The following ALDH4A1 variants were observed in gnomAD, a reference collection of about 807,000 sequenced individuals.
ALDH4A1 encodes delta-1-pyrroline-5-carboxylate dehydrogenase, mitochondrial.
In ALDH4A1, 46 loss-of-function variants were observed where a neutral mutation model predicts 70.5. That is an observed-to-expected ratio of 0.65 (90% CI 0.51 to 0.83). The LOEUF (loss-of-function observed/expected upper bound fraction) is 0.83, where lower values mean the gene tolerates loss of function less well. Among genes scored for constraint, ALDH4A1 ranks in the 40% least tolerant of loss-of-function variants. The probability of loss-of-function intolerance (pLI) is 0.00; values close to 1 mark genes in which losing one functional copy is unlikely to be tolerated. For missense variants in ALDH4A1, 749 were observed against 766.5 expected (o/e 0.98, Z 0.27); for synonymous variants, 323 against 324.3 (o/e 1.00, Z 0.04).
Position 18,894,294 on chromosome 1 carries a change from A to G in ALDH4A1, c.63-4189T>C, listed in dbSNP as rs1013490345. Among the ~76,000 whole-genome samples, 6 of 152,328 alleles carry G rather than the reference A, an allele frequency of 3.9e-5. No homozygotes were observed. The South Asian group carries it at 6.2e-4, about 16-fold the overall frequency. The stretch of plus-strand genomic sequence containing the variant: ...AGTGGCTCACGCCTGTAATCCCAGC[A>G]CTTTGGGAGGCTGAGGTGGGCGGAT... On this transcript the variant is annotated intron_variant, in intron 1 of 14. Coordinates refer to ENST00000375341, the MANE Select transcript of ALDH4A1 (RefSeq NM_003748.4).
intron 9 of ALDH4A1, among the ~76,000 whole-genome samples, chr1:18,879,046 T>C (rs187812002): frequency 1.3e-5 from 2 of 152,352 alleles, no homozygotes; most frequent in Non-Finnish European, 2.9e-5. Context: ...GAAAACTAGA[T>C]AATGCAGTTC....
chr1:18,887,285 G>A (rs566676119), intron 3 of ALDH4A1, among the ~76,000 whole-genome samples: 6 of 152,384 alleles, frequency 3.9e-5, no homozygotes, highest in East Asian at 1.9e-4. Context: ...ACCGCAAGGC[G>A]GACGAAGGCC....
Position 18,877,236 on chromosome 1 carries a change from G to A in ALDH4A1, c.1157C>T (p.Thr386Ile), listed in dbSNP as rs766004973. Residue 386 changes from threonine (T) to isoleucine (I), a missense_variant, in exon 11 of 15, where the codon ACC (threonine) becomes ATC (isoleucine). Thr to Ile is a moderately conservative substitution (Grantham distance 89). Coordinates refer to ENST00000375341, the MANE Select transcript of ALDH4A1 (RefSeq NM_003748.4). ...KVGDPAEDFG[T>I]FFSAVIDAKS... is the part of the protein sequence containing the mutation. ...GGCATCAATCACTGCAGAGAAGAAG[G>A]TCCCAAAATCCTCTGCAGGCTGGAG... 3.7e-6 allele frequency: 6 copies of A among 1,608,204 alleles called. No individual in the cohort carries two copies. In the East Asian group the frequency reaches 1.1e-4, roughly 30 times the overall value.
At chr1:18,895,386 G>A (rs1935583143) in intron 1 of ALDH4A1, among the ~76,000 whole-genome samples, 2 of 151,966 alleles carry the variant, frequency 1.3e-5, no homozygotes, top group African/African-American at 4.8e-5. Context: ...CTCCTGCACT[G>A]GAAGTTGTCA....
At chr1:18,877,695 C>T in intron 9 of ALDH4A1, 83 bp from the exon 10 acceptor site, 1 of 1,506,270 alleles carries the variant, frequency 6.6e-7, no homozygotes, top group Non-Finnish European at 9.0e-7. Flanking sequence ...CCTACGCCAT[C>T]CATGGCCCGG....
chr1:18,879,399 G>A (rs1237357080), intron 8 of ALDH4A1, 26 bp from the exon 9 acceptor site: 23 of 1,600,394 alleles, frequency 1.4e-5, no homozygotes, highest in South Asian at 4.5e-5. Context: ...AAAGGGTGGG[G>A]TTCAGGGAGC....
In ALDH4A1 at chr1:18,878,199, A is replaced by C. The variant is rs535663968; in HGVS notation, c.941-587T>G. 2.0e-5 allele frequency among the ~76,000 whole-genome samples: 3 copies of C among 152,268 alleles called. No homozygotes were observed. The South Asian group carries it at 6.2e-4, about 32-fold the overall frequency. ...GCTGAAAGCACTTAACAGCTGCCCA[A>C]CTCTGGACGAAGTACGCTGTGCTTT... On this transcript the variant is annotated intron_variant, in intron 9 of 14. Transcript: ENST00000375341.
In ALDH4A1 at chr1:18,885,038, G is replaced by A. The variant is rs139403896; in HGVS notation, c.453+435C>T. ...AGGTGGGCAGAAGGGCCCTGGGTAT[G>A]GGGCTCAGGTCTTGGGACTTGCCTC... On this transcript the variant is annotated intron_variant, in intron 5 of 14. Transcript: ENST00000375341. Among the ~76,000 whole-genome samples the A allele has an allele frequency of 6.0e-3, 914 of 152,174 alleles. 6 individuals carry two copies. Among genetic ancestry groups the A allele is most frequent in the Non-Finnish European group, 9.3e-3 (632 of 67,978 alleles).
At chr1:18,899,910 A>G (rs1321734400) in intron 1 of ALDH4A1, among the ~76,000 whole-genome samples, 1 of 152,234 alleles carries the variant, frequency 6.6e-6, no homozygotes, top group African/African-American at 2.4e-5. Context: ...ACACAGTTCC[A>G]GGGCCTGGGA....
At chr1:18,900,369 C>A (rs1298989603) in intron 1 of ALDH4A1, among the ~76,000 whole-genome samples, 2 of 152,196 alleles carry the variant, frequency 1.3e-5, no homozygotes, top group Non-Finnish European at 2.9e-5. Flanking sequence ...CACGGGTGTG[C>A]TCTAAATGTT....
chr1:18,897,163 T>C (rs113388673), intron 1 of ALDH4A1: 28 of 479,794 alleles, frequency 5.8e-5, no homozygotes, highest in African/African-American at 1.2e-4. Context: ...GAAATGCTCA[T>C]TGGAGCATTT....
chr1:18,875,477 CACAG>C lies in ALDH4A1; in HGVS notation c.1361_1364del (p.Ser454CysfsTer43). The C allele has an allele frequency of 6.2e-7, 1 of 1,614,138 alleles. No homozygotes were observed. The highest frequency in any genetic ancestry group is 1.1e-5 in the South Asian group (1 of 91,080). On this transcript the variant is annotated frameshift_variant, in exon 13 of 15. Transcript: ENST00000375341. LOFTEE classifies it high-confidence loss of function. ...TGTACTTGTCATCCGGGTAGACGTA[CACAG>C]ACAGTACAGGCCCGAAGATCTCCTA...
intron 1 of ALDH4A1, among the ~76,000 whole-genome samples, chr1:18,901,316 G>A (rs993356210): frequency 1.3e-5 from 2 of 152,204 alleles, no homozygotes; most frequent in African/African-American, 4.8e-5. Context: ...TGTGCTCAGA[G>A]CACCACCATG....
intron 1 of ALDH4A1, among the ~76,000 whole-genome samples, chr1:18,897,509 C>G (rs1935663707): frequency 6.6e-6 from 1 of 152,244 alleles, no homozygotes; most frequent in Non-Finnish European, 1.5e-5. Context: ...GGCCACTATA[C>G]TCCAGCCTGG....
Position 18,892,561 on chromosome 1 carries a change from G to A in ALDH4A1, c.63-2456C>T, listed in dbSNP as rs550033569. On this transcript the variant is annotated intron_variant, in intron 1 of 14. Transcript: ENST00000375341. The stretch of plus-strand genomic sequence containing the variant: ...GAGCATCCCAGGTAGAAGGAGGCGG[G>A]GGGGGGCTGAGAGGGGCCTGCGTGG... Among the ~76,000 whole-genome samples, 16 of 151,838 alleles carry A rather than the reference G, an allele frequency of 1.1e-4. No homozygotes were observed. The East Asian group carries it at 1.2e-3, about 11-fold the overall frequency.
Position 18,890,750 on chromosome 1 carries a change from A to G in ALDH4A1, c.63-645T>C, listed in dbSNP as rs1175945162. ...AAAACCACGTTGAAGTATTTTCCAC[A>G]TGCAAAGCGTTACTCTCCCTTTCTT... On this transcript the variant is annotated intron_variant, in intron 1 of 14. Transcript: ENST00000375341. 2.1e-5 allele frequency: 21 copies of G among 985,472 alleles called. No homozygotes were observed. The African/African-American group carries it at 3.3e-4, about 16-fold the overall frequency. 61.0% of individuals were successfully genotyped at this position (985,472 alleles called of 1,614,324 possible).
intron 1 of ALDH4A1, among the ~76,000 whole-genome samples, chr1:18,892,950 T>G (rs984295211): frequency 3.0e-4 from 45 of 152,210 alleles, no homozygotes; most frequent in African/African-American, 1.0e-3. Flanking sequence ...GCAGTGTCAA[T>G]CCCCTGGGAC....
intron 1 of ALDH4A1, among the ~76,000 whole-genome samples, chr1:18,897,582 A>C (rs1935666894): frequency 6.6e-6 from 1 of 152,216 alleles, no homozygotes; most frequent in East Asian, 1.9e-4. Context: ...CTCTGTTCTG[A>C]AGCATTTCAG....
intron 1 of ALDH4A1, among the ~76,000 whole-genome samples, chr1:18,895,959 G>C (rs1935602679): frequency 6.6e-6 from 1 of 152,134 alleles, no homozygotes. Flanking sequence ...CTAAAATAAA[G>C]ACATCAGAAT....
Sources: allele counts gnomAD v4.1 joint callset (sites outside exome capture counted in the v4.1 genomes callset), GRCh38; gene constraint gnomAD v4.1.1; transcripts MANE v1.5; gene names NCBI Gene and HGNC (gene_info 2026-07-23, HGNC 2026-07-21).